The following MAEL variants were observed in gnomAD, a reference collection of about 807,000 sequenced individuals.
MAEL encodes protein maelstrom homolog.
Under a neutral mutation model 62.0 loss-of-function variants are expected in MAEL, and 46 were observed. The ratio of observed to expected loss-of-function variants is 0.74; its 90% CI spans 0.59 to 0.95. The LOEUF is 0.95. MAEL is among the 40% of genes least tolerant of loss of function. The probability of loss-of-function intolerance (pLI) is 0.00; values close to 1 mark genes in which losing one functional copy is unlikely to be tolerated. For missense variants in MAEL, 497 were observed against 526.8 expected (o/e 0.94, Z 0.55); for synonymous variants, 172 against 175.5 (o/e 0.98, Z 0.16).
upstream of MAEL, among the ~76,000 whole-genome samples, chr1:166,987,773 G>A (rs941695280): frequency 3.3e-5 from 5 of 152,224 alleles, no homozygotes; most frequent in East Asian, 7.7e-4. Context: ...AAAGGTGGAC[G>A]CACCCTCCAA....
chr1:166,990,540 T>C (rs1184404026), intron 2 of MAEL: 1 of 152,020 alleles, frequency 6.6e-6, no homozygotes, highest in Non-Finnish European at 1.5e-5. Flanking sequence ...ACGCCCGTGG[T>C]CCCAGCTACT....
Position 166,992,674 on chromosome 1 carries a change from A to ATT in MAEL, c.326-4_326-3dup. 3 of 1,531,796 alleles carry ATT rather than the reference A, an allele frequency of 2.0e-6. No individual in the cohort carries two copies. Among genetic ancestry groups the ATT allele is most frequent in the African/African-American group, 1.4e-5 (1 of 70,818 alleles). The allele number at this position is 1,531,796 out of a possible 1,614,324, so 94.9% of individuals were successfully genotyped here. ...ATTCATTTATTCATTTTATCTTACA[A>ATT]TTTTTTTTTAGCTCTCCTTGGAGGC... On this transcript the variant is annotated splice_polypyrimidine_tract_variant and intron_variant, in intron 3 of 11. Transcript: ENST00000367872.
At chr1:166,980,470 G>A (rs2102056890) in intron 1 of MAEL, among the ~76,000 whole-genome samples, 1 of 152,330 alleles carries the variant, frequency 6.6e-6, no homozygotes, top group South Asian at 2.1e-4. Context: ...CAAGGAGAAG[G>A]AGTGACAGGT....
chr1:167,014,720 TGACTCAGAGAA>T (rs1374489235), intron 8 of MAEL, among the ~76,000 whole-genome samples: 1 of 152,114 alleles, frequency 6.6e-6, no homozygotes, highest in Non-Finnish European at 1.5e-5. Flanking sequence ...GCCTGAATAG[TGACTCAGAGAA>T]ATGAAAGCCT....
chr1:167,005,459 G>T, intron 8 of MAEL, 62 bp downstream of exon 8: 1 of 1,460,782 alleles, frequency 6.8e-7, no homozygotes, highest in Non-Finnish European at 9.2e-7. Context: ...AGAAAATATG[G>T]TAGGACTATT....
rs1665390096 is a variant in MAEL, at chr1:167,016,398, T to G, written c.908+114T>G. On this transcript the variant is annotated intron_variant, in intron 9 of 11. Coordinates refer to ENST00000367872, the MANE Select transcript of MAEL (RefSeq NM_032858.3). ...GGTAACTCTGTTTCCACAATGCTCT[T>G]TCAAAACAAAGGGGGTCAAATCAAA... is the stretch of plus-strand genomic sequence containing the variant. 4 of 928,638 alleles carry G rather than the reference T, an allele frequency of 4.3e-6. No individual in the cohort carries two copies. The Admixed American group carries it at 7.9e-5, about 18-fold the overall frequency. 57.5% of individuals were successfully genotyped at this position (928,638 alleles called of 1,614,324 possible). A position where few individuals can be genotyped will look rare whatever the true frequency, so the allele number is the denominator to read the frequency against.
At chr1:167,001,264 A>G (rs929789109) in intron 5 of MAEL, among the ~76,000 whole-genome samples, 1 of 152,160 alleles carries the variant, frequency 6.6e-6, no homozygotes, top group Non-Finnish European at 1.5e-5. Context: ...TGGGGGCAGA[A>G]GGGTGGGAAG....
upstream of MAEL, among the ~76,000 whole-genome samples, chr1:166,987,748 A>T (rs760843684): frequency 2.0e-5 from 3 of 152,224 alleles, no homozygotes; most frequent in Non-Finnish European, 4.4e-5. Flanking sequence ...TACAAAAGAT[A>T]TTGAAATGGT....
At chr1:167,007,581 GTGTGTGTGTGTGTGTGTA>G (rs1466143956) in intron 8 of MAEL, among the ~76,000 whole-genome samples, 36 of 133,494 alleles carry the variant, frequency 2.7e-4, no homozygotes, top group Non-Finnish European at 4.3e-4. Flanking sequence ...GTGTGTGTGT[GTGTGTGTGTGTGTGTGTA>G]TGTACACACA....
chr1:167,017,421 T>C lies in MAEL; in HGVS notation c.909-406T>C, dbSNP rs897773818. Among the ~76,000 whole-genome samples the C allele has an allele frequency of 1.7e-4, 26 of 152,172 alleles. 1 individual carries two copies. Among genetic ancestry groups the C allele is most frequent in the African/African-American group, 6.0e-4 (25 of 41,458 alleles). ...ACATAGGTCTTTTGTTCTCGTTTTG[T>C]AGTGAAAGTACCGGGAGCCCCAGAT... On this transcript the variant is annotated intron_variant, in intron 9 of 11. Coordinates refer to ENST00000367872, the MANE Select transcript of MAEL (RefSeq NM_032858.3).
At chr1:166,980,529 C>T (rs1663728751) in intron 1 of MAEL, among the ~76,000 whole-genome samples, 1 of 152,148 alleles carries the variant, frequency 6.6e-6, no homozygotes, top group Admixed American at 6.5e-5. Context: ...CCCACATGTA[C>T]ACCTGCTCTC....
chr1:166,986,359 A>T (rs1377345336), upstream of MAEL, among the ~76,000 whole-genome samples: 2 of 152,010 alleles, frequency 1.3e-5, no homozygotes, highest in East Asian at 1.9e-4. Context: ...ATGTTGTTAT[A>T]AAAAAAAGCA....
Position 166,992,718 on chromosome 1 carries a change from AT to A in MAEL, c.363del (p.Phe121LeufsTer38). 6.3e-7 allele frequency: 1 copy of A among 1,595,618 alleles called. No homozygotes were observed. The highest frequency in any genetic ancestry group is 8.5e-7 in the Non-Finnish European group (1 of 1,174,710). On this transcript the variant is annotated frameshift_variant, in exon 4 of 12. Coordinates refer to ENST00000367872, the MANE Select transcript of MAEL (RefSeq NM_032858.3). LOFTEE classifies it high-confidence loss of function. ...LLGGIFYFLN[I>X]FSHGELPPHC... ...TGGAGGCATTTTTTATTTTTTGAACATTTTTAGCCATGGCGAGCTACCTCCT... is the reference window on the plus strand; with the variant it reads ...TGGAGGCATTTTTTATTTTTTGAACATTTTAGCCATGGCGAGCTACCTCCT...
Position 166,989,295 on chromosome 1 carries a change from C to T in MAEL, c.-58C>T, listed in dbSNP as rs931640033. On this transcript the variant is annotated 5_prime_UTR_variant, in exon 1 of 12. Transcript: ENST00000367872. The stretch of plus-strand genomic sequence containing the variant: ...TACCTCTGTTACTTAGGGCGGGAGC[C>T]CGGCGAGGGCGCCGGTGCTTTGTTC... 5.1e-6 allele frequency: 8 copies of T among 1,562,416 alleles called. No homozygotes were observed. The highest frequency in any genetic ancestry group is 1.4e-5 in the African/African-American group (1 of 74,012).
intron 1 of MAEL, among the ~76,000 whole-genome samples, chr1:166,979,536 GAAATGCAAGTATAC>G (rs1287310056): frequency 6.6e-6 from 1 of 152,116 alleles, no homozygotes; most frequent in Non-Finnish European, 1.5e-5. Context: ...TTAAAGAAAG[GAAATGCAAGTATAC>G]AAATGCATTA....
intron 8 of MAEL, among the ~76,000 whole-genome samples, chr1:167,014,821 G>A (rs1382605955): frequency 6.6e-6 from 1 of 152,096 alleles, no homozygotes; most frequent in Non-Finnish European, 1.5e-5. Flanking sequence ...TCAGCAGTTC[G>A]AGACCAGCCT....
intron 5 of MAEL, among the ~76,000 whole-genome samples, chr1:167,000,902 A>G (rs373697582): frequency 7.2e-5 from 11 of 152,376 alleles, no homozygotes; most frequent in Admixed American, 3.9e-4. Flanking sequence ...CCACTACTGG[A>G]TATCTACCCA....
chr1:166,988,642 T>C (rs17551703), upstream of MAEL, among the ~76,000 whole-genome samples: 39,726 of 151,844 alleles, frequency 0.26, 5,564 homozygotes, highest in African/African-American at 0.37. Context: ...TCAGTAGTAA[T>C]CAATTAGAAA....
At chr1:167,013,787 G>A (rs548710620) in intron 8 of MAEL, among the ~76,000 whole-genome samples, 1 of 152,300 alleles carries the variant, frequency 6.6e-6, no homozygotes, top group South Asian at 2.1e-4. Flanking sequence ...TTTCCTGTAA[G>A]GAAAGCAGAC....
Sources: gnomAD v4.1 joint callset for allele counts (sites outside exome capture counted in the v4.1 genomes callset) on GRCh38, gnomAD v4.1.1 for gene constraint, MANE v1.5 for transcripts, NCBI Gene and HGNC (gene_info 2026-07-23, HGNC 2026-07-21) for gene names.